Variants in EYS observed in about 807,000 individuals in gnomAD.
EYS encodes the protein EGF-like photoreceptor maintenance factor.
Under a neutral mutation model 282.1 loss-of-function variants are expected in EYS, and 250 were observed. That is an observed-to-expected ratio of 0.89 (90% CI 0.80 to 0.98). The LOEUF (loss-of-function observed/expected upper bound fraction) is 0.98, where lower values mean the gene tolerates loss of function less well. Ranked by LOEUF, EYS falls within the 50% of genes least tolerant of loss-of-function variation. The probability of loss-of-function intolerance (pLI) is 0.00; values close to 1 mark genes in which losing one functional copy is unlikely to be tolerated. For synonymous variants in EYS, 1,355 were observed against 1,282.9 expected, an observed-to-expected ratio of 1.06 and a Z score of -1.20; for missense variants, 4,016 against 3,709.0, an observed-to-expected ratio of 1.08 and a Z score of -2.15.
intron 30 of EYS, among the ~76,000 whole-genome samples, chr6:64,238,834 T>C (rs76654164): frequency 6.6e-6 from 1 of 152,188 alleles, no homozygotes; most frequent in African/African-American, 2.4e-5. Context: ...ATACGTGCCA[T>C]GGTGGCTTGC....
chr6:64,167,941 C>A (rs537401199), intron 31 of EYS, among the ~76,000 whole-genome samples: 21 of 152,304 alleles, frequency 1.4e-4, no homozygotes, highest in African/African-American at 4.8e-4. Flanking sequence ...ATATTACTTT[C>A]TATTCATTAC....
chr6:65,442,223 C>A (rs1434365389), intron 5 of EYS, among the ~76,000 whole-genome samples: 2 of 151,874 alleles, frequency 1.3e-5, no homozygotes, highest in African/African-American at 2.4e-5. Context: ...TCCTGAAATA[C>A]CTGATGCTTT....
chr6:65,448,049 C>T (rs774516606), intron 5 of EYS, among the ~76,000 whole-genome samples: 3 of 152,040 alleles, frequency 2.0e-5, no homozygotes, highest in African/African-American at 7.2e-5. Context: ...AGCAGAAATA[C>T]TACTGGCAAT....
intron 11 of EYS, among the ~76,000 whole-genome samples, chr6:65,302,209 T>C (rs1205131384): frequency 1.3e-5 from 2 of 152,218 alleles, no homozygotes. Context: ...TAAAAACACA[T>C]GCTGTGTTTG....
At chr6:64,445,229 C>T (rs1775081834) in intron 26 of EYS, among the ~76,000 whole-genome samples, 1 of 152,070 alleles carries the variant, frequency 6.6e-6, no homozygotes, top group Non-Finnish European at 1.5e-5. Flanking sequence ...TTTTATGCTT[C>T]CCTCAGCAAA....
chr6:64,007,847 A>T (rs1768424710), intron 33 of EYS, among the ~76,000 whole-genome samples: 1 of 152,144 alleles, frequency 6.6e-6, no homozygotes, highest in Non-Finnish European at 1.5e-5. Context: ...CTGTGGTCTA[A>T]TAGTACGGTT....
intron 31 of EYS, among the ~76,000 whole-genome samples, chr6:64,177,495 T>A (rs1044563328): frequency 2.0e-5 from 3 of 152,108 alleles, no homozygotes; most frequent in African/African-American, 4.8e-5. Flanking sequence ...GAAATGTCAT[T>A]AATCCCTTGA....
chr6:65,230,394 A>G (rs1409893093), intron 12 of EYS, among the ~76,000 whole-genome samples: 1 of 151,946 alleles, frequency 6.6e-6, no homozygotes, highest in Non-Finnish European at 1.5e-5. Context: ...CAATGTGTTA[A>G]TACAATTACC....
intron 2 of EYS, among the ~76,000 whole-genome samples, chr6:65,543,625 A>T: frequency 6.6e-6 from 1 of 152,020 alleles, no homozygotes; most frequent in South Asian, 2.1e-4. Flanking sequence ...TAATCACTTC[A>T]ATCTTTGTTA....
intron 28 of EYS, among the ~76,000 whole-genome samples, chr6:64,431,046 G>A (rs577023204): frequency 3.9e-5 from 6 of 152,234 alleles, no homozygotes; most frequent in Admixed American, 3.9e-4. Flanking sequence ...GGAGTTATCA[G>A]AACAGAGTAG....
At chr6:65,319,203 G>A (rs868520718) in intron 11 of EYS, among the ~76,000 whole-genome samples, 1,049 of 24,638 alleles carry the variant, frequency 0.043, 23 homozygotes, top group African/African-American at 0.23. Flanking sequence ...TACTAAAAAT[G>A]CAAAAAAAAA....
intron 14 of EYS, among the ~76,000 whole-genome samples, chr6:64,969,440 G>A (rs2150110313): frequency 6.6e-6 from 1 of 152,268 alleles, no homozygotes; most frequent in Non-Finnish European, 1.5e-5. Context: ...ATTGAAAAAG[G>A]CAAAGATTAA....
chr6:65,073,833 C>T (rs1339218092), intron 12 of EYS, among the ~76,000 whole-genome samples: 2 of 151,924 alleles, frequency 1.3e-5, no homozygotes, highest in African/African-American at 4.8e-5. Context: ...ATACATTGAT[C>T]TGTGCCATAT....
At chr6:64,269,944 G>T (rs894126681) in intron 30 of EYS, among the ~76,000 whole-genome samples, 2 of 150,968 alleles carry the variant, frequency 1.3e-5, no homozygotes, top group Admixed American at 1.3e-4. Flanking sequence ...AAAAAGCTCT[G>T]TTATAATTCT....
intron 35 of EYS, among the ~76,000 whole-genome samples, chr6:63,921,737 A>G (rs928545703): frequency 3.3e-5 from 5 of 152,244 alleles, no homozygotes; most frequent in African/African-American, 1.2e-4. Context: ...GAACAATATC[A>G]TTATTAGGAA....
intron 11 of EYS, among the ~76,000 whole-genome samples, chr6:65,300,326 T>A (rs191247105): frequency 6.6e-6 from 1 of 152,314 alleles, no homozygotes; most frequent in Non-Finnish European, 1.5e-5. Context: ...TCCTCATCTT[T>A]TCCTTACTTG....
intron 22 of EYS, among the ~76,000 whole-genome samples, chr6:64,805,413 C>T (rs1764394549): frequency 2.0e-5 from 3 of 151,892 alleles, no homozygotes; most frequent in African/African-American, 2.4e-5. Context: ...TTTACCATCA[C>T]ATTTAGTATA....
chr6:65,107,367 C>T (rs907027901), intron 12 of EYS, among the ~76,000 whole-genome samples: 1 of 147,876 alleles, frequency 6.8e-6, no homozygotes, highest in African/African-American at 2.6e-5. Flanking sequence ...ATTTGCCCAC[C>T]TTTGATATTA....
At chr6:64,940,056 T>C (rs2150092272) in intron 15 of EYS, among the ~76,000 whole-genome samples, 1 of 152,158 alleles carries the variant, frequency 6.6e-6, no homozygotes, top group East Asian at 1.9e-4. Context: ...TCCATCCTCC[T>C]AGGTAAGACT....
Sources: allele counts gnomAD v4.1 joint callset (sites outside exome capture counted in the v4.1 genomes callset), GRCh38; gene constraint gnomAD v4.1.1; transcripts MANE v1.5; gene names NCBI Gene and HGNC (gene_info 2026-07-23, HGNC 2026-07-21).